The following CSMD1 variants were observed in gnomAD, a reference collection of about 807,000 sequenced individuals.
The protein encoded by CSMD1 is CUB and Sushi multiple domains 1, also known as CUB and sushi domain-containing protein 1.
In CSMD1, 213 loss-of-function variants were observed where a neutral mutation model predicts 417.5. The observed-to-expected ratio is 0.51, with a 90% CI of 0.46 to 0.57. CSMD1 has a LOEUF of 0.57. Among genes scored for constraint, CSMD1 ranks in the 20% least tolerant of loss-of-function variants. CSMD1 has a pLI of 0.00. For missense variants in CSMD1, 6,923 were observed against 4,529.7 expected, an observed-to-expected ratio of 1.53 and a Z score of -15.17; for synonymous variants, 2,862 against 1,736.8, an observed-to-expected ratio of 1.65 and a Z score of -16.11.
rs142793097 is a variant in CSMD1, at chr8:4,735,899, A to G, written c.86-98341T>C. The stretch of plus-strand genomic sequence containing the variant: ...ATACAACACGCTACTGCTTTACTAG[A>G]GATTTACTGATGAGCAGGTAATAAG... On this transcript the variant is annotated intron_variant, in intron 1 of 69. Coordinates refer to ENST00000635120, the MANE Select transcript of CSMD1 (RefSeq NM_033225.6). Among the ~76,000 whole-genome samples, 533 of 152,280 alleles carry G rather than the reference A, an allele frequency of 3.5e-3. 7 individuals carry two copies. The highest frequency in any genetic ancestry group is 0.031 in the Admixed American group (480 of 15,286).
At chr8:2,948,672 A>C (rs890790092) in intron 68 of CSMD1, among the ~76,000 whole-genome samples, 1 of 152,146 alleles carries the variant, frequency 6.6e-6, no homozygotes, top group African/African-American at 2.4e-5. Flanking sequence ...TCCACTACTA[A>C]AACAATCCTG....
chr8:3,864,058 T>C (rs1032981430), intron 5 of CSMD1, among the ~76,000 whole-genome samples: 3 of 152,174 alleles, frequency 2.0e-5, no homozygotes, highest in African/African-American at 7.2e-5. Flanking sequence ...AATGTGAAGA[T>C]GGCCCAGATA....
chr8:4,397,667 C>T (rs1040513787), intron 3 of CSMD1, among the ~76,000 whole-genome samples: 8 of 150,060 alleles, frequency 5.3e-5, no homozygotes, highest in South Asian at 4.2e-4. Flanking sequence ...CTTTAAATTG[C>T]GGCAGTAAGA....
At chr8:3,019,173 C>G (rs1380317489) in intron 51 of CSMD1, among the ~76,000 whole-genome samples, 1 of 152,228 alleles carries the variant, frequency 6.6e-6, no homozygotes, top group African/African-American at 2.4e-5. Flanking sequence ...CCACCCCAGC[C>G]TCCCAAATTG....
chr8:3,398,386 T>C (rs1353497697), intron 16 of CSMD1, among the ~76,000 whole-genome samples: 1 of 152,144 alleles, frequency 6.6e-6, no homozygotes, highest in Non-Finnish European at 1.5e-5. Flanking sequence ...GATTGTGCTA[T>C]TGGGGATTAT....
chr8:4,324,052 A>T (rs1215593280), intron 3 of CSMD1, among the ~76,000 whole-genome samples: 1 of 152,166 alleles, frequency 6.6e-6, no homozygotes, highest in Admixed American at 6.6e-5. Flanking sequence ...TGTGTAGTTC[A>T]AATTTACCCG....
intron 3 of CSMD1, among the ~76,000 whole-genome samples, chr8:4,205,041 C>T (rs959081148): frequency 1.3e-5 from 2 of 152,006 alleles, no homozygotes; most frequent in African/African-American, 4.8e-5. Context: ...AGTAATTTAC[C>T]TCTATTTTTT....
At chr8:4,231,149 G>C (rs897393876) in intron 3 of CSMD1, among the ~76,000 whole-genome samples, 2 of 152,118 alleles carry the variant, frequency 1.3e-5, no homozygotes, top group African/African-American at 4.8e-5. Context: ...AAACTAACAG[G>C]ATATTGATAT....
At chr8:4,594,334 G>C (rs1800148250) in intron 2 of CSMD1, among the ~76,000 whole-genome samples, 1 of 151,012 alleles carries the variant, frequency 6.6e-6, no homozygotes, top group South Asian at 2.1e-4. Flanking sequence ...CTCTTGAGTA[G>C]CTGGGAATAC....
chr8:3,715,758 G>C (rs1312614246), intron 6 of CSMD1, among the ~76,000 whole-genome samples: 1 of 152,132 alleles, frequency 6.6e-6, no homozygotes, highest in Non-Finnish European at 1.5e-5. Flanking sequence ...GGCCAAACTG[G>C]TCTCAAACTC....
intron 2 of CSMD1, among the ~76,000 whole-genome samples, chr8:4,524,715 G>C (rs1041365548): frequency 1.3e-5 from 2 of 151,858 alleles, no homozygotes; most frequent in African/African-American, 2.4e-5. Context: ...AACCAAATCT[G>C]ATATTTGATC....
intron 2 of CSMD1, among the ~76,000 whole-genome samples, chr8:4,447,513 G>A (rs989545250): frequency 2.0e-5 from 3 of 152,162 alleles, no homozygotes; most frequent in African/African-American, 7.2e-5. Context: ...GTTCTTTGGA[G>A]AGGCTCTAAT....
chr8:3,696,913 C>T (rs181181132), intron 7 of CSMD1, among the ~76,000 whole-genome samples: 43 of 152,122 alleles, frequency 2.8e-4, no homozygotes, highest in Non-Finnish European at 4.9e-4. Context: ...AAAGAGAACA[C>T]TTTATCAGTC....
intron 1 of CSMD1, among the ~76,000 whole-genome samples, chr8:4,941,060 C>G (rs1280286588): frequency 1.3e-5 from 2 of 152,148 alleles, no homozygotes; most frequent in Non-Finnish European, 1.5e-5. Flanking sequence ...TTTTTGTAAT[C>G]TGACAGATAA....
At chr8:3,878,522 T>G (rs1372908595) in intron 5 of CSMD1, among the ~76,000 whole-genome samples, 1 of 152,108 alleles carries the variant, frequency 6.6e-6, no homozygotes, top group Non-Finnish European at 1.5e-5. Flanking sequence ...TTTTATTTAT[T>G]TAAAAAATGA....
intron 5 of CSMD1, among the ~76,000 whole-genome samples, chr8:3,920,029 T>C (rs533564472): frequency 9.9e-5 from 15 of 151,400 alleles, no homozygotes; most frequent in African/African-American, 2.9e-4. Context: ...ATTTGTTTTT[T>C]ACTTTTTTGT....
chr8:4,899,706 T>C (rs929137166), intron 1 of CSMD1, among the ~76,000 whole-genome samples: 3 of 152,174 alleles, frequency 2.0e-5, no homozygotes, highest in Non-Finnish European at 4.4e-5. Flanking sequence ...TAGTTAAAAA[T>C]TTCTAATCAT....
At chr8:3,659,583 C>T (rs551776420) in intron 7 of CSMD1, among the ~76,000 whole-genome samples, 1 of 152,060 alleles carries the variant, frequency 6.6e-6, no homozygotes, top group Non-Finnish European at 1.5e-5. Flanking sequence ...AAAAATGATT[C>T]AACTGTGAAT....
chr8:4,216,532 T>C (rs1433394646), intron 3 of CSMD1, among the ~76,000 whole-genome samples: 1 of 152,160 alleles, frequency 6.6e-6, no homozygotes, highest in East Asian at 1.9e-4. Context: ...GACTAAGAAT[T>C]CTCAAGATCA....
Sources: allele counts gnomAD v4.1 joint callset (sites outside exome capture counted in the v4.1 genomes callset), GRCh38; gene constraint gnomAD v4.1.1; transcripts MANE v1.5; gene names NCBI Gene and HGNC (gene_info 2026-07-23, HGNC 2026-07-21).